PDE5A: variants seen among roughly 807,000 people sequenced by gnomAD.
PDE5A encodes the protein cGMP-specific 3',5'-cyclic phosphodiesterase.
In PDE5A, 67 loss-of-function variants were observed where a neutral mutation model predicts 110.2. The observed-to-expected ratio is 0.61, with a 90% CI of 0.50 to 0.75. The LOEUF (loss-of-function observed/expected upper bound fraction) is 0.75. PDE5A is among the 30% of genes least tolerant of loss of function. The pLI, the probability that PDE5A is intolerant of heterozygous loss-of-function variation, is 0.00. For missense variants in PDE5A, 862 were observed against 1,045.1 expected (o/e 0.82, Z 2.42); for synonymous variants, 328 against 351.2 (o/e 0.93, Z 0.74).
intron 1 of PDE5A, among the ~76,000 whole-genome samples, chr4:119,622,889 A>AG (rs1213303916): frequency 6.6e-6 from 1 of 151,580 alleles, no homozygotes; most frequent in Non-Finnish European, 1.5e-5. Flanking sequence ...AAAGAAAGAA[A>AG]AAAAAAGCTT....
At chr4:119,520,815 G>C (rs1167566174) in intron 13 of PDE5A, 120 bp downstream of exon 13, 1 of 802,804 alleles carries the variant, frequency 1.2e-6, no homozygotes. Flanking sequence ...TATTATGTAA[G>C]TGGCAGCAAA....
At chr4:119,529,578 C>G (rs913097385) in intron 11 of PDE5A, among the ~76,000 whole-genome samples, 1 of 152,130 alleles carries the variant, frequency 6.6e-6, no homozygotes, top group African/African-American at 2.4e-5. Context: ...AGTCCTGCAG[C>G]TTGCAGTTCT....
intron 20 of PDE5A, among the ~76,000 whole-genome samples, chr4:119,499,207 A>C (rs1052803422): frequency 1.3e-5 from 2 of 152,330 alleles, no homozygotes; most frequent in African/African-American, 4.8e-5. Context: ...TACCAATTAT[A>C]GTGCCATAAA....
chr4:119,589,075 A>G (rs776542164), intron 3 of PDE5A, among the ~76,000 whole-genome samples: 17 of 152,228 alleles, frequency 1.1e-4, no homozygotes, highest in Non-Finnish European at 2.1e-4. Flanking sequence ...CCTGAAAGAC[A>G]TTATTGGATA....
At chr4:119,608,696 A>C (rs1179817239) in intron 1 of PDE5A, among the ~76,000 whole-genome samples, 2 of 152,206 alleles carry the variant, frequency 1.3e-5, no homozygotes, top group African/African-American at 2.4e-5. Flanking sequence ...ATAACTGAGG[A>C]TATTTCAAAT....
chr4:119,603,479 A>G (rs1729418378), intron 2 of PDE5A, among the ~76,000 whole-genome samples: 1 of 152,236 alleles, frequency 6.6e-6, no homozygotes, highest in African/African-American at 2.4e-5. Context: ...GTGACTGAAC[A>G]TCAATGTACA....
chr4:119,565,961 A>T (rs966628327), intron 4 of PDE5A, among the ~76,000 whole-genome samples: 1 of 147,780 alleles, frequency 6.8e-6, no homozygotes, highest in African/African-American at 2.5e-5. Flanking sequence ...TTATTAATTA[A>T]TATTATTATA....
At position 119,526,272 on chromosome 4, in the gene PDE5A, A is replaced by G. The variant is rs922490776; in HGVS notation, c.1633-577T>C. ...AGGATGCCAGGCCTCCAGTCCAGGA[A>G]GACTATCCTGTGCCCAGACTAGCAG... On this transcript the variant is annotated intron_variant, in intron 11 of 20. Transcript: ENST00000354960. 1.8e-4 allele frequency among the ~76,000 whole-genome samples: 27 copies of G among 152,150 alleles called. 1 individual carries two copies. Among genetic ancestry groups the G allele is most frequent in the Non-Finnish European group, 3.4e-4 (23 of 68,004 alleles).
chr4:119,521,211 T>A (rs980271892), intron 12 of PDE5A, 151 bp from the exon 13 acceptor site: 1 of 820,860 alleles, frequency 1.2e-6, no homozygotes, highest in African/African-American at 1.8e-5. Flanking sequence ...GAGAGGTAAC[T>A]TGCTGAAGGT....
At chr4:119,603,865 C>G (rs537903389) in intron 2 of PDE5A, among the ~76,000 whole-genome samples, 1 of 152,246 alleles carries the variant, frequency 6.6e-6, no homozygotes, top group African/African-American at 2.4e-5. Flanking sequence ...TTTACAGATG[C>G]ATGTTTAAAG....
At chr4:119,531,419 C>T (rs980444207) in intron 11 of PDE5A, among the ~76,000 whole-genome samples, 1 of 152,126 alleles carries the variant, frequency 6.6e-6, no homozygotes, top group Non-Finnish European at 1.5e-5. Context: ...GCTGCGACTA[C>T]AGATGCATGC....
chr4:119,540,616 A>T (rs747047048), intron 10 of PDE5A, among the ~76,000 whole-genome samples: 3 of 152,232 alleles, frequency 2.0e-5, no homozygotes, highest in African/African-American at 7.2e-5. Context: ...ATTTTATCAC[A>T]CACAAAAGAT....
At chr4:119,622,681 G>A (rs1730192270) in intron 1 of PDE5A, among the ~76,000 whole-genome samples, 1 of 151,900 alleles carries the variant, frequency 6.6e-6, no homozygotes, top group African/African-American at 2.4e-5. Context: ...AGACCATCCT[G>A]GCTAACATGG....
chr4:119,546,882 G>A (rs1389126338), intron 9 of PDE5A, among the ~76,000 whole-genome samples: 5 of 151,874 alleles, frequency 3.3e-5, no homozygotes, highest in Non-Finnish European at 5.9e-5. Flanking sequence ...TAACAAATTT[G>A]TCTTGGCATA....
At position 119,497,282 on chromosome 4, in the gene PDE5A, G is replaced by A. The variant is rs1725110856; in HGVS notation, c.*1319C>T. The A allele has an allele frequency of 6.6e-6, 1 of 151,992 alleles. No homozygotes were observed. The highest frequency in any genetic ancestry group is 2.1e-4 in the South Asian group (1 of 4,810). 9.4% of individuals were successfully genotyped at this position (151,992 alleles called of 1,614,324 possible). A position where few individuals can be genotyped will look rare whatever the true frequency, so the allele number is the denominator to read the frequency against. ...ATTTGAAACAAATTTTCCTTTCCTAGACCAGTTGCTTAATTCATTATCTAC... is the reference window on the plus strand; with the variant it reads ...ATTTGAAACAAATTTTCCTTTCCTAAACCAGTTGCTTAATTCATTATCTAC... On this transcript the variant is annotated 3_prime_UTR_variant, in exon 21 of 21. Coordinates refer to ENST00000354960, the MANE Select transcript of PDE5A (RefSeq NM_001083.4).
intron 1 of PDE5A, among the ~76,000 whole-genome samples, chr4:119,619,694 T>C (rs1159223723): frequency 1.3e-5 from 2 of 152,224 alleles, no homozygotes; most frequent in Non-Finnish European, 2.9e-5. Context: ...AAGGCACTGA[T>C]GATGCTCAAG....
At chr4:119,542,384 A>G in intron 10 of PDE5A, 75 bp downstream of exon 10, 1 of 1,364,384 alleles carries the variant, frequency 7.3e-7, no homozygotes, top group Non-Finnish European at 1.0e-6. Flanking sequence ...CACACACACC[A>G]TGAGTGATTA....
chr4:119,494,677 T>C lies in PDE5A; in HGVS notation c.*3924A>G, dbSNP rs200504811. Reference sequence around the variant, plus strand: ...TACATAGTAACTCCTTTTCCTAGTATAAAAATAGTGCCAGAAACTATATTT... The same window carrying C: ...TACATAGTAACTCCTTTTCCTAGTACAAAAATAGTGCCAGAAACTATATTT... On this transcript the variant is annotated 3_prime_UTR_variant, in exon 21 of 21. Coordinates refer to ENST00000354960, the MANE Select transcript of PDE5A (RefSeq NM_001083.4). The C allele has an allele frequency of 1.3e-5, 2 of 152,594 alleles. No homozygotes were observed. Among genetic ancestry groups the C allele is most frequent in the Non-Finnish European group, 2.9e-5 (2 of 68,020 alleles). 9.5% of individuals were successfully genotyped at this position (152,594 alleles called of 1,614,324 possible).
At chr4:119,508,791 T>G (rs185846034) in intron 15 of PDE5A, among the ~76,000 whole-genome samples, 169 of 152,132 alleles carry the variant, frequency 1.1e-3, no homozygotes, top group African/African-American at 3.9e-3. Context: ...TATATTTTTA[T>G]TTTTTACTCT....
Sources: gnomAD v4.1 joint callset for allele counts (sites outside exome capture counted in the v4.1 genomes callset) on GRCh38, gnomAD v4.1.1 for gene constraint, MANE v1.5 for transcripts, NCBI Gene and HGNC (gene_info 2026-07-23, HGNC 2026-07-21) for gene names.